Variants in SYNGR4 observed in about 807,000 individuals in gnomAD.
SYNGR4 encodes the protein synaptogyrin 4.
A neutral mutation model predicts 15.5 loss-of-function variants in SYNGR4; 15 were observed. The observed-to-expected ratio is 0.97, with a 90% CI of 0.65 to 1.49. SYNGR4 has a LOEUF of 1.49. SYNGR4 is among the 40% of genes most tolerant of loss of function. SYNGR4 has a pLI of 0.00. For missense variants in SYNGR4, 292 were observed against 299.3 expected (o/e 0.98, Z 0.18); for synonymous variants, 121 against 127.4 (o/e 0.95, Z 0.34).
intron 2 of SYNGR4, among the ~76,000 whole-genome samples, chr19:48,372,525 C>T (rs1970324940): frequency 6.6e-6 from 1 of 151,800 alleles, no homozygotes. Context: ...TGGCGGGTGC[C>T]TGTAGTCCCA....
chr19:48,371,992 G>A (rs1023016163), intron 2 of SYNGR4, among the ~76,000 whole-genome samples: 10 of 151,744 alleles, frequency 6.6e-5, no homozygotes, highest in Non-Finnish European at 1.2e-4. Flanking sequence ...TGATCCTCCT[G>A]CCTCAGCCTC....
At chr19:48,371,725 A>G (rs1011638123) in intron 2 of SYNGR4, among the ~76,000 whole-genome samples, 3 of 151,148 alleles carry the variant, frequency 2.0e-5, no homozygotes, top group African/African-American at 7.3e-5. Context: ...CTACGGGTGC[A>G]TGCCACCACA....
intron 2 of SYNGR4, among the ~76,000 whole-genome samples, chr19:48,368,394 C>CT (rs1466660922): frequency 1.3e-5 from 2 of 151,548 alleles, no homozygotes; most frequent in African/African-American, 2.4e-5. Context: ...CTTTTTCTTT[C>CT]TTTTTTTTGA....
chr19:48,368,271 T>C (rs1461664509), intron 2 of SYNGR4, among the ~76,000 whole-genome samples: 1 of 152,200 alleles, frequency 6.6e-6, no homozygotes, highest in Non-Finnish European at 1.5e-5. Flanking sequence ...AAAAAGAGGA[T>C]CCTAATAATC....
chr19:48,365,350 TG>T (rs1382531269), intron 1 of SYNGR4, among the ~76,000 whole-genome samples: 1 of 87,520 alleles, frequency 1.1e-5, no homozygotes, highest in East Asian at 3.6e-4. Context: ...ACACCTTTCC[TG>T]GGACCCCCCA....
At chr19:48,366,006 G>C in intron 2 of SYNGR4, 71 bp downstream of exon 2, 1 of 1,509,464 alleles carries the variant, frequency 6.6e-7, no homozygotes, top group Non-Finnish European at 9.1e-7. Context: ...CCCAGACACA[G>C]TGCGGGAGAT....
At position 48,373,659 on chromosome 19, in the gene SYNGR4, G is replaced by C. The variant is rs1353128330; in HGVS notation, c.236G>C (p.Ser79Thr). 1 of 1,613,770 alleles carries C rather than the reference G, an allele frequency of 6.2e-7. No individual in the cohort carries two copies. Among genetic ancestry groups the C allele is most frequent in the East Asian group, 2.2e-5 (1 of 44,888 alleles). ...AVGAGFLAFL[S>T]CLAFLVLDTQ... is the part of the protein sequence containing the mutation. ...GGAGCCGGCTTCCTGGCCTTCCTCAGCTGCCTGGCCTTCCTCGTCCTGGAC... is the reference window on the plus strand; with the variant it reads ...GGAGCCGGCTTCCTGGCCTTCCTCACCTGCCTGGCCTTCCTCGTCCTGGAC... Residue 79 changes from serine to threonine, a missense_variant, in exon 3 of 5, where the codon AGC becomes ACC. Physicochemically the swap from Ser to Thr is moderately conservative, Grantham distance 58. Coordinates refer to ENST00000344846, the MANE Select transcript of SYNGR4 (RefSeq NM_012451.4).
In SYNGR4 at chr19:48,373,444, A is replaced by G. The variant is rs1177920156; in HGVS notation, c.94-73A>G. 3 of 1,326,650 alleles carry G rather than the reference A, an allele frequency of 2.3e-6. No individual in the cohort carries two copies. The East Asian group carries it at 6.9e-5, about 31-fold the overall frequency. The allele number at this position is 1,326,650 out of a possible 1,614,324, so 82.2% of individuals were successfully genotyped here. A position where few individuals can be genotyped will look rare whatever the true frequency, so the allele number is the denominator to read the frequency against. ...AGTGACTGGGTATACGGAAAGACCG[A>G]CAGCACCAGGGAGGAAGGAGGAGCA... is the stretch of plus-strand genomic sequence containing the variant. On this transcript the variant is annotated intron_variant, in intron 2 of 4. Coordinates refer to ENST00000344846, the MANE Select transcript of SYNGR4 (RefSeq NM_012451.4).
At chr19:48,365,992 A>C in intron 2 of SYNGR4, 57 bp downstream of exon 2, 1 of 1,570,918 alleles carries the variant, frequency 6.4e-7, no homozygotes, top group South Asian at 1.1e-5. Context: ...AGGAGCTCTC[A>C]ACTCCCAGAC....
At chr19:48,365,329 C>G (rs1270234772) in intron 1 of SYNGR4, among the ~76,000 whole-genome samples, 2 of 135,934 alleles carry the variant, frequency 1.5e-5, no homozygotes, top group African/African-American at 3.1e-5. Context: ...CCTAGCAGCC[C>G]TCTCCACACA....
intron 2 of SYNGR4, among the ~76,000 whole-genome samples, chr19:48,368,222 C>G (rs1970249271): frequency 6.6e-6 from 1 of 152,176 alleles, no homozygotes; most frequent in Non-Finnish European, 1.5e-5. Flanking sequence ...CCTGAGCAAG[C>G]TATGTGATTT....
chr19:48,373,771 C>T lies in SYNGR4; in HGVS notation c.331+17C>T. 1 of 1,611,714 alleles carries T rather than the reference C, an allele frequency of 6.2e-7. No homozygotes were observed. Among genetic ancestry groups the T allele is most frequent in the Non-Finnish European group, 8.5e-7 (1 of 1,178,498 alleles). On this transcript the variant is annotated intron_variant, in intron 3 of 4. Coordinates refer to ENST00000344846, the MANE Select transcript of SYNGR4 (RefSeq NM_012451.4). Reference sequence around the variant, plus strand: ...TCCTGGCTGGTGAGCCCCCAGGACCCCCAACCCAGAGCTGCCCCTCCTCCC... The same window carrying T: ...TCCTGGCTGGTGAGCCCCCAGGACCTCCAACCCAGAGCTGCCCCTCCTCCC...
At chr19:48,368,669 C>T (rs1230092650) in intron 2 of SYNGR4, among the ~76,000 whole-genome samples, 2 of 152,084 alleles carry the variant, frequency 1.3e-5, no homozygotes, top group East Asian at 1.9e-4. Context: ...CGTGAGCCAC[C>T]GCACCCAGGC....
rs756599847 is a variant in SYNGR4, at chr19:48,365,920, G to A, written c.78G>A (p.Thr26=). The A allele has an allele frequency of 5.4e-5, 87 of 1,613,584 alleles. No individual in the cohort carries two copies. The highest frequency in any genetic ancestry group is 1.3e-4 in the East Asian group (6 of 44,888). Residue 26 remains threonine (T), a synonymous_variant, in exon 2 of 5, where the codon ACG becomes ACA. Transcript: ENST00000344846. ...VQFLRRPKTI[T]RVFEGVFSLI... is the part of the protein sequence containing the mutation. The stretch of plus-strand genomic sequence containing the variant: ...TTCTGAGAAGGCCCAAGACCATCAC[G>A]CGGGTCTTCGAAGGGGTGAGGCCCT...
intron 2 of SYNGR4, among the ~76,000 whole-genome samples, chr19:48,369,951 T>C (rs1177742467): frequency 6.6e-6 from 1 of 152,180 alleles, no homozygotes; most frequent in Non-Finnish European, 1.5e-5. Flanking sequence ...TGAATACCCT[T>C]GGTTATTGCT....
At position 48,376,287 on chromosome 19, in the gene SYNGR4, C is replaced by G. The variant is rs376820754; in HGVS notation, c.674C>G (p.Ser225Cys). The change falls in exon 5 of 5, where the codon TCC becomes TGC. Residue 225 changes from serine (S) to cysteine (C), a missense_variant. Ser to Cys is a moderately radical substitution (Grantham distance 112). Transcript: ENST00000344846. ...ALSPCLTAPK[S>C]PRLAMMPDN is the part of the protein sequence containing the mutation. Reference sequence around the variant, plus strand: ...TCCCCCTGTCTGACCGCTCCAAAGTCCCCCCGGCTTGCTATGATGCCTGAC... The same window carrying G: ...TCCCCCTGTCTGACCGCTCCAAAGTGCCCCCGGCTTGCTATGATGCCTGAC... The G allele has an allele frequency of 7.4e-6, 12 of 1,612,150 alleles. No homozygotes were observed. Among genetic ancestry groups the G allele is most frequent in the Non-Finnish European group, 8.5e-6 (10 of 1,179,504 alleles).
chr19:48,373,851 A>G, intron 3 of SYNGR4, 97 bp downstream of exon 3: 1 of 1,257,208 alleles, frequency 8.0e-7, no homozygotes, highest in Non-Finnish European at 1.1e-6. Flanking sequence ...TTCACCACCT[A>G]GCCGGCCTCC....
At position 48,374,911 on chromosome 19, in the gene SYNGR4, G is replaced by A. The variant is rs576674808; in HGVS notation, c.332-702G>A. ...GAATCGCTTGAACCCGGGAGGCAGA[G>A]CTTGCACTGAGCTGAGATTGCGCCA... On this transcript the variant is annotated intron_variant, in intron 3 of 4. Coordinates refer to ENST00000344846, the MANE Select transcript of SYNGR4 (RefSeq NM_012451.4). Among the ~76,000 whole-genome samples the A allele has an allele frequency of 4.5e-4, 68 of 152,024 alleles. No homozygotes were observed. The South Asian group carries it at 0.013, about 29-fold the overall frequency.
chr19:48,365,975 A>G (rs1372748425), intron 2 of SYNGR4, 40 bp downstream of exon 2: 2 of 1,596,552 alleles, frequency 1.3e-6, no homozygotes, highest in Non-Finnish European at 1.7e-6. Context: ...CCTGGGTGAC[A>G]GGAGCCAGGA....
Sources: gnomAD v4.1 joint callset for allele counts (sites outside exome capture counted in the v4.1 genomes callset) on GRCh38, gnomAD v4.1.1 for gene constraint, MANE v1.5 for transcripts, NCBI Gene and HGNC (gene_info 2026-07-23, HGNC 2026-07-21) for gene names.